Variants in CMTR1 observed in about 807,000 individuals in gnomAD.
CMTR1 encodes cap methyltransferase 1.
Under a neutral mutation model 107.0 loss-of-function variants are expected in CMTR1, and 39 were observed. The ratio of observed to expected loss-of-function variants is 0.36; its 90% CI spans 0.28 to 0.48. The LOEUF is 0.48. Among genes scored for constraint, CMTR1 ranks in the 20% least tolerant of loss-of-function variants. CMTR1 has a pLI of 0.99. For synonymous variants in CMTR1, 366 were observed against 379.5 expected (o/e 0.96, Z 0.41); for missense variants, 672 against 1,064.9 (o/e 0.63, Z 5.14).
In CMTR1 at chr6:37,458,584, C is replaced by A. The variant is rs547188525; in HGVS notation, c.778-28C>A. 1 of 1,609,260 alleles carries A rather than the reference C, an allele frequency of 6.2e-7. No individual in the cohort carries two copies. The highest frequency in any genetic ancestry group is 1.1e-5 in the South Asian group (1 of 90,552). On this transcript the variant is annotated intron_variant, in intron 8 of 23. Transcript: ENST00000373451. This position sits in a 1 kb window ranked among gnomAD's most constrained non-coding sequence, Gnocchi z 4.7. Reference sequence around the variant, plus strand: ...CCATTGAGCTGTCTTGTTTTCCTTCCTCTCCTGTCCTCCACTTGCCTTTGC... The same window carrying A: ...CCATTGAGCTGTCTTGTTTTCCTTCATCTCCTGTCCTCCACTTGCCTTTGC...
chr6:37,464,293 A>G (rs1761459553), intron 13 of CMTR1, among the ~76,000 whole-genome samples: 1 of 151,862 alleles, frequency 6.6e-6, no homozygotes. Flanking sequence ...GTGAAACCCC[A>G]TCTCTACTAA....
chr6:37,442,316 T>C (rs1438172322), intron 2 of CMTR1, among the ~76,000 whole-genome samples: 3 of 152,202 alleles, frequency 2.0e-5, no homozygotes, highest in Non-Finnish European at 4.4e-5. Context: ...TCTGTTAAGA[T>C]ATAGAGATCC....
chr6:37,462,811 CAG>C lies in CMTR1; in HGVS notation c.1326-15_1326-14del, dbSNP rs1561788435. 2 of 1,610,586 alleles carry C rather than the reference CAG, an allele frequency of 1.2e-6. No homozygotes were observed. Among genetic ancestry groups the C allele is most frequent in the Non-Finnish European group, 1.7e-6 (2 of 1,178,622 alleles). On this transcript the variant is annotated splice_polypyrimidine_tract_variant and intron_variant, in intron 12 of 23. Transcript: ENST00000373451. ...AGGAAGCCCTTGCTCGGTGGAGTGA[CAG>C]AGTATCTTCTGCCAGGTATGTGGTG...
In CMTR1 at chr6:37,478,530, G is replaced by A; in HGVS notation, c.2266+9G>A. 4 of 1,603,558 alleles carry A rather than the reference G, an allele frequency of 2.5e-6. No individual in the cohort carries two copies. The highest frequency in any genetic ancestry group is 3.4e-6 in the Non-Finnish European group (4 of 1,170,504). ...CGTCAGGACAGTGAATGGTGGGTGA[G>A]GAGGGACTGTTCCCGCCATCCCCTC... On this transcript the variant is annotated intron_variant, in intron 22 of 23. Transcript: ENST00000373451.
the CMTR1 span, among the ~76,000 whole-genome samples, chr6:37,427,522 G>A: frequency 6.6e-6 from 1 of 152,076 alleles, no homozygotes; most frequent in Non-Finnish European, 1.5e-5. This position sits in a 1 kb window ranked among gnomAD's most constrained non-coding sequence, Gnocchi z 4.4. Context: ...CATTTATGTA[G>A]TAGTTATCAT....
Position 37,472,596 on chromosome 6 carries a change from C to T in CMTR1, c.1689+109C>T. On this transcript the variant is annotated intron_variant, in intron 16 of 23. Coordinates refer to ENST00000373451, the MANE Select transcript of CMTR1 (RefSeq NM_015050.3). This position sits in a 1 kb window ranked among gnomAD's most constrained non-coding sequence, Gnocchi z 4.1. ...GGTCTCCAGAGGGCTTGTGCAGATG[C>T]CCACCATGGGCTCTAAGGGGCGGAG... 9.0e-7 allele frequency: 1 copy of T among 1,111,276 alleles called. No individual in the cohort carries two copies. Among genetic ancestry groups the T allele is most frequent in the Non-Finnish European group, 1.4e-6 (1 of 731,268 alleles). The allele number at this position is 1,111,276 out of a possible 1,614,324, so 68.8% of individuals were successfully genotyped here.
rs747910111 is a variant in CMTR1 at position 37,466,108 on chromosome 6, G to GTTT, written c.1505+3103_1505+3105dup. On this transcript the variant is annotated intron_variant, in intron 13 of 23. Coordinates refer to ENST00000373451, the MANE Select transcript of CMTR1 (RefSeq NM_015050.3). Reference sequence around the variant, plus strand: ...CTCTATGTTTTTAAAGAGTTTTACAGTTTTTGTTTTTTTTTTTTTTTTTGA... The same window carrying GTTT: ...CTCTATGTTTTTAAAGAGTTTTACAGTTTTTTTTGTTTTTTTTTTTTTTTTTGA... Among the ~76,000 whole-genome samples, 101 of 127,726 alleles carry GTTT rather than the reference G, an allele frequency of 7.9e-4. 18 individuals carry two copies. Among genetic ancestry groups the GTTT allele is most frequent in the South Asian group, 1.0e-3 (4 of 3,980 alleles). The allele number at this position is 127,726 out of a possible 152,430, so 83.8% of individuals were successfully genotyped here. A position where few individuals can be genotyped will look rare whatever the true frequency, so the allele number is the denominator to read the frequency against.
chr6:37,427,288 G>A, the CMTR1 span, among the ~76,000 whole-genome samples: 2 of 152,128 alleles, frequency 1.3e-5, no homozygotes, highest in Non-Finnish European at 2.9e-5. This position sits in a 1 kb window ranked among gnomAD's most constrained non-coding sequence, Gnocchi z 4.4. Flanking sequence ...TATTCCCGGT[G>A]CTTCCTACTC....
intron 4 of CMTR1, among the ~76,000 whole-genome samples, chr6:37,446,828 C>T (rs1771809571): frequency 6.6e-6 from 1 of 152,222 alleles, no homozygotes; most frequent in African/African-American, 2.4e-5. Flanking sequence ...CACTCTCTCA[C>T]TGTGTGAGTA....
chr6:37,463,682 GTCCA>G (rs1299659466), intron 13 of CMTR1, among the ~76,000 whole-genome samples: 3 of 152,136 alleles, frequency 2.0e-5, no homozygotes, highest in Non-Finnish European at 4.4e-5. Context: ...TTAGTTAAGG[GTCCA>G]ACCTTAAGTC....
At chr6:37,457,012 G>A (rs1236070368) in intron 8 of CMTR1, among the ~76,000 whole-genome samples, 1 of 151,772 alleles carries the variant, frequency 6.6e-6, no homozygotes, top group East Asian at 1.9e-4. Flanking sequence ...CTTCAGTCCA[G>A]GAGTTTGAGG....
At chr6:37,463,563 T>C (rs777112863) in intron 13 of CMTR1, among the ~76,000 whole-genome samples, 1 of 152,180 alleles carries the variant, frequency 6.6e-6, no homozygotes. Context: ...GTTTTCTCAG[T>C]GGGCAGGCCT....
intron 4 of CMTR1, among the ~76,000 whole-genome samples, chr6:37,446,831 T>A (rs569378948): frequency 2.6e-5 from 4 of 152,210 alleles, no homozygotes; most frequent in Non-Finnish European, 5.9e-5. Flanking sequence ...TCTCTCACTG[T>A]GTGAGTAACT....
At chr6:37,437,167 A>G (rs1379484652) in intron 2 of CMTR1, among the ~76,000 whole-genome samples, 1 of 151,860 alleles carries the variant, frequency 6.6e-6, no homozygotes, top group Non-Finnish European at 1.5e-5. Context: ...AATGGGACCC[A>G]ACATAAATTT....
intron 9 of CMTR1, 21 bp from the exon 10 acceptor site, chr6:37,459,545 A>C: frequency 1.2e-6 from 2 of 1,602,926 alleles, no homozygotes; most frequent in Admixed American, 3.3e-5. Flanking sequence ...TGAACTCACT[A>C]TGACTCTTGT....
At chr6:37,457,457 A>G (rs1272101451) in intron 8 of CMTR1, among the ~76,000 whole-genome samples, 1 of 152,126 alleles carries the variant, frequency 6.6e-6, no homozygotes, top group Non-Finnish European at 1.5e-5. Flanking sequence ...AGAAGAAAAA[A>G]GGGAGTGCAA....
chr6:37,443,910 T>C, intron 2 of CMTR1, 89 bp from the exon 3 acceptor site: 1 of 1,423,362 alleles, frequency 7.0e-7, no homozygotes, highest in Non-Finnish European at 9.6e-7. Context: ...TTGTGTATAC[T>C]GAACAGTAGT....
the CMTR1 span, among the ~76,000 whole-genome samples, chr6:37,425,929 C>T: frequency 5.9e-5 from 9 of 152,140 alleles, no homozygotes; most frequent in Non-Finnish European, 8.8e-5. Flanking sequence ...TGGTCTGCTC[C>T]GTGGTGTCCC....
chr6:37,448,550 G>T (rs1359581851), intron 4 of CMTR1, among the ~76,000 whole-genome samples: 2 of 152,190 alleles, frequency 1.3e-5, no homozygotes, highest in African/African-American at 4.8e-5. Context: ...AAGAAGCCAT[G>T]ATTCACTGCC....
Sources: gnomAD v4.1 joint callset for allele counts (sites outside exome capture counted in the v4.1 genomes callset) on GRCh38, gnomAD v4.1.1 for gene constraint, Gnocchi (gnomAD v3.1) non-coding constraint, MANE v1.5 for transcripts, NCBI Gene and HGNC (gene_info 2026-07-23, HGNC 2026-07-21) for gene names.